Variants in ARFGEF3 observed in about 807,000 individuals in gnomAD.
ARFGEF3 encodes brefeldin A-inhibited guanine nucleotide-exchange protein 3.
Under a neutral mutation model 221.7 loss-of-function variants are expected in ARFGEF3, and 96 were observed. The ratio of observed to expected loss-of-function variants is 0.43; its 90% CI spans 0.37 to 0.51. ARFGEF3 has a LOEUF of 0.51. Ranked by LOEUF, ARFGEF3 falls within the 20% of genes least tolerant of loss-of-function variation. The probability of loss-of-function intolerance (pLI) is 0.00; values close to 1 mark genes in which losing one functional copy is unlikely to be tolerated. For synonymous variants in ARFGEF3, 1,145 were observed against 1,126.8 expected (o/e 1.02, Z -0.32); for missense variants, 2,410 against 2,789.9 (o/e 0.86, Z 3.07).
intron 4 of ARFGEF3, among the ~76,000 whole-genome samples, chr6:138,224,610 T>C (rs1778045720): frequency 6.6e-6 from 1 of 152,258 alleles, no homozygotes; most frequent in South Asian, 2.1e-4. Flanking sequence ...GGACATCTTA[T>C]AGAAGGTATT....
chr6:138,162,017 C>G lies in ARFGEF3; in HGVS notation c.-70C>G. On this transcript the variant is annotated 5_prime_UTR_variant, in exon 1 of 34. Coordinates refer to ENST00000251691, the MANE Select transcript of ARFGEF3 (RefSeq NM_020340.5). The surrounding 1 kb of genome is among the most constrained non-coding windows in gnomAD (Gnocchi z 4.7). ...CTAGGCGCCCAGGGCCAGGCAGCGGCGGCTTCCCCGGCCCGGCTCGCCCGC... is the reference window on the plus strand; with the variant it reads ...CTAGGCGCCCAGGGCCAGGCAGCGGGGGCTTCCCCGGCCCGGCTCGCCCGC... The G allele has an allele frequency of 4.3e-6, 5 of 1,159,274 alleles. No individual in the cohort carries two copies. In the South Asian group the frequency reaches 4.5e-5, roughly 10 times the overall value. The allele number at this position is 1,159,274 out of a possible 1,614,324, so 71.8% of individuals were successfully genotyped here. A position where few individuals can be genotyped will look rare whatever the true frequency, so the allele number is the denominator to read the frequency against.
Position 138,255,455 on chromosome 6 carries a change from C to T in ARFGEF3, c.790C>T (p.Leu264Phe), listed in dbSNP as rs1205510304. The T allele has an allele frequency of 6.2e-7, 1 of 1,605,816 alleles. No individual in the cohort carries two copies. The highest frequency in any genetic ancestry group is 8.5e-7 in the Non-Finnish European group (1 of 1,173,264). The change falls in exon 10 of 34, where the codon CTC becomes TTC. Residue 264 changes from leucine (L) to phenylalanine (F), a missense_variant. Around this residue, in one of 5 missense-constraint regions of ARFGEF3, gnomAD observed 570 missense variants for 586.9 expected, o/e 0.97. Transcript: ENST00000251691. ...TCCCAGGAAAAACCTCTGCCCTGCT[C>T]TCATCGTGATCTTGGGGAATCCAAT... ...DLIWKNLCPA[L>F]IVILGNPIHD...
At chr6:138,274,112 T>C (rs977351685) in intron 12 of ARFGEF3, among the ~76,000 whole-genome samples, 16 of 152,232 alleles carry the variant, frequency 1.1e-4, no homozygotes, top group African/African-American at 3.9e-4. Context: ...GTGGCCTTTT[T>C]CACTTTCAGC....
Position 138,335,170 on chromosome 6 carries a change from C to G in ARFGEF3, c.6324C>G (p.Asp2108Glu). ...TGSSLSVSVR[D>E]AEAQIQAWTN... is the part of the protein sequence containing the mutation. Reference sequence around the variant, plus strand: ...GCTCCCTCAGTGTCTCGGTGAGAGACGCAGAAGCACAGATCCAGGTACATC... The same window carrying G: ...GCTCCCTCAGTGTCTCGGTGAGAGAGGCAGAAGCACAGATCCAGGTACATC... The change falls in exon 33 of 34, where the codon GAC becomes GAG. Residue 2108 changes from aspartate (D) to glutamate (E), a missense_variant. Asp to Glu is a conservative substitution (Grantham distance 45). Around this residue, in one of 5 missense-constraint regions of ARFGEF3, gnomAD observed 339 missense variants for 334.9 expected, o/e 1.01. Transcript: ENST00000251691. 1 of 1,552,092 alleles carries G rather than the reference C, an allele frequency of 6.4e-7. No homozygotes were observed. The highest frequency in any genetic ancestry group is 8.6e-7 in the Non-Finnish European group (1 of 1,156,710).
intron 2 of ARFGEF3, among the ~76,000 whole-genome samples, chr6:138,181,859 C>T (rs1009241966): frequency 3.3e-5 from 5 of 152,156 alleles, no homozygotes; most frequent in Non-Finnish European, 5.9e-5. Context: ...TTCCTGCTTT[C>T]GTTTCAAACT....
intron 26 of ARFGEF3, among the ~76,000 whole-genome samples, chr6:138,315,931 A>C (rs1779918651): frequency 6.6e-6 from 1 of 152,180 alleles, no homozygotes; most frequent in Admixed American, 6.5e-5. Flanking sequence ...AGAACAATTA[A>C]AGTATTGAAA....
intron 12 of ARFGEF3, among the ~76,000 whole-genome samples, chr6:138,269,153 C>T (rs1778949654): frequency 6.6e-6 from 1 of 152,242 alleles, no homozygotes; most frequent in Non-Finnish European, 1.5e-5. Context: ...GGTGTCCCGC[C>T]AACCCTGCAG....
At chr6:138,173,318 G>C (rs150196417) in intron 2 of ARFGEF3, among the ~76,000 whole-genome samples, 1 of 152,120 alleles carries the variant, frequency 6.6e-6, no homozygotes, top group African/African-American at 2.4e-5. Context: ...CTTAAAGTAC[G>C]AGAAAAACAG....
Position 138,263,296 on chromosome 6 carries a change from A to T in ARFGEF3, c.1813A>T (p.Arg605Trp). 1 of 1,614,028 alleles carries T rather than the reference A, an allele frequency of 6.2e-7. No homozygotes were observed. The highest frequency in any genetic ancestry group is 8.5e-7 in the Non-Finnish European group (1 of 1,179,896). ...TAGCGTTGATGACCAAGACCTTTCT[A>T]GGACAGAGTTTGATTCCTGTGATCA... ...NFSVDDQDLSRTEFDSCDQYS... is the reference protein window; with the variant it reads ...NFSVDDQDLSWTEFDSCDQYS... Residue 605 changes from arginine to tryptophan, a missense_variant, in exon 12 of 34, where the codon AGG becomes TGG. By Grantham distance (101) the Arg-to-Trp change is moderately radical. Transcript: ENST00000251691.
chr6:138,331,766 G>C (rs1051560698), intron 32 of ARFGEF3, among the ~76,000 whole-genome samples: 2 of 152,104 alleles, frequency 1.3e-5, no homozygotes, highest in Admixed American at 6.5e-5. Flanking sequence ...TGCTGAATTA[G>C]AAAGTTATTT....
chr6:138,215,345 G>T (rs1259616425), intron 4 of ARFGEF3, among the ~76,000 whole-genome samples: 1 of 152,220 alleles, frequency 6.6e-6, no homozygotes, highest in Admixed American at 6.5e-5. Context: ...TAAGGAAGGA[G>T]ATGATGCTGG....
chr6:138,301,884 G>A (rs1197768072), intron 22 of ARFGEF3, among the ~76,000 whole-genome samples: 1 of 152,052 alleles, frequency 6.6e-6, no homozygotes, highest in African/African-American at 2.4e-5. Flanking sequence ...AGGGAGTCAG[G>A]CTAAAAAATA....
chr6:138,243,127 G>T (rs1778424638), intron 7 of ARFGEF3, 133 bp downstream of exon 7: 1 of 749,156 alleles, frequency 1.3e-6, no homozygotes, highest in Non-Finnish European at 2.3e-6. Context: ...GGTTGTGCTT[G>T]GCTTTGCCTT....
At chr6:138,228,172 A>ATT (rs549915422) in intron 4 of ARFGEF3, among the ~76,000 whole-genome samples, 1,205 of 106,378 alleles carry the variant, frequency 0.011, 21 homozygotes, top group Non-Finnish European at 0.016. Context: ...CACTGAGACA[A>ATT]TTTTTTTTTT....
chr6:138,169,663 G>A (rs1353001723), intron 1 of ARFGEF3, among the ~76,000 whole-genome samples: 2 of 152,148 alleles, frequency 1.3e-5, no homozygotes, highest in Non-Finnish European at 2.9e-5. Flanking sequence ...CTTAAGCATT[G>A]ACTTCAGTCC....
In ARFGEF3 at chr6:138,224,850, G is replaced by A. The variant is rs1408441482; in HGVS notation, c.352-4934G>A. ...TTTTGAGTTGTCTGCCCATTCTGTA[G>A]CATTAAATATTTTATATTATGCAAT... On this transcript the variant is annotated intron_variant, in intron 4 of 33. Coordinates refer to ENST00000251691, the MANE Select transcript of ARFGEF3 (RefSeq NM_020340.5). Among the ~76,000 whole-genome samples the A allele has an allele frequency of 2.0e-5, 3 of 152,164 alleles. No individual in the cohort carries two copies. In the East Asian group the frequency reaches 5.8e-4, roughly 29 times the overall value.
At chr6:138,246,762 A>G (rs1231260250) in intron 8 of ARFGEF3, among the ~76,000 whole-genome samples, 2 of 152,210 alleles carry the variant, frequency 1.3e-5, no homozygotes, top group African/African-American at 2.4e-5. Flanking sequence ...GAATAAGTCT[A>G]AAGATCAAAT....
rs569061375 is a variant in ARFGEF3, at chr6:138,261,528, T to C, written c.1106T>C (p.Ile369Thr). ...TACTCTTTTACCTTTTTCTTTAAGA[T>C]ACTTGGGAGCCCACAGCGTCTCTGT... ...RVEAIKIMKE[I>T]LGSPQRLCDL... The change falls in exon 11 of 34, where the codon ATA (isoleucine) becomes ACA (threonine). Residue 369 changes from isoleucine (I) to threonine (T), a missense_variant and splice_region_variant. Physicochemically the swap from Ile to Thr is moderately conservative, Grantham distance 89. This residue lies in a region of ARFGEF3 where 570 missense variants were observed against 586.9 expected (regional missense o/e 0.97). Coordinates refer to ENST00000251691, the MANE Select transcript of ARFGEF3 (RefSeq NM_020340.5). The C allele has an allele frequency of 1.6e-5, 25 of 1,550,492 alleles. 1 individual carries two copies. The South Asian group carries it at 1.8e-4, about 11-fold the overall frequency.
At chr6:138,319,973 G>A (rs768085450) in intron 28 of ARFGEF3, 94 bp downstream of exon 28, 4 of 983,674 alleles carry the variant, frequency 4.1e-6, no homozygotes, top group South Asian at 3.0e-5. Context: ...ATGCAAATAC[G>A]AATGCAGGGT....
Sources: gnomAD v4.1 joint callset for allele counts (sites outside exome capture counted in the v4.1 genomes callset) on GRCh38, gnomAD v4.1.1 for gene constraint, gnomAD v4.1.1 regional missense constraint, Gnocchi (gnomAD v3.1) non-coding constraint, MANE v1.5 for transcripts, NCBI Gene and HGNC (gene_info 2026-07-23, HGNC 2026-07-21) for gene names.